The following SRRM4 variants were observed in gnomAD, a reference collection of about 807,000 sequenced individuals.
The protein encoded by SRRM4 is serine/arginine repetitive matrix protein 4.
SRRM4 carries 33 observed loss-of-function variants against 68.9 expected under a neutral mutation model. The observed-to-expected ratio is 0.48, with a 90% CI of 0.36 to 0.64. The LOEUF (loss-of-function observed/expected upper bound fraction) is 0.64, where lower values mean the gene tolerates loss of function less well. Among genes scored for constraint, SRRM4 ranks in the 30% least tolerant of loss-of-function variants. The pLI is 0.00. For synonymous variants in SRRM4, 318 were observed against 318.8 expected (o/e 1.00, Z 0.03); for missense variants, 817 against 827.1 (o/e 0.99, Z 0.15).
intron 1 of SRRM4, among the ~76,000 whole-genome samples, chr12:119,099,125 A>C (rs1954062463): frequency 6.6e-6 from 1 of 150,792 alleles, no homozygotes; most frequent in African/African-American, 2.4e-5. Flanking sequence ...GCTGTTCCTT[A>C]TTATTATTAT....
intron 1 of SRRM4, among the ~76,000 whole-genome samples, chr12:119,091,351 T>G (rs1490492661): frequency 2.6e-5 from 4 of 152,036 alleles, no homozygotes; most frequent in African/African-American, 9.7e-5. Context: ...CTCAGCTTGG[T>G]GGTAGGAAGC....
intron 1 of SRRM4, among the ~76,000 whole-genome samples, chr12:118,982,489 G>T (rs866441864): frequency 1.3e-5 from 2 of 151,992 alleles, no homozygotes; most frequent in Non-Finnish European, 2.9e-5. Flanking sequence ...TTTGACAAAA[G>T]CCCATATGCT....
intron 2 of SRRM4, among the ~76,000 whole-genome samples, chr12:119,110,021 T>C (rs1341934240): frequency 6.6e-6 from 1 of 152,250 alleles, no homozygotes; most frequent in Non-Finnish European, 1.5e-5. Flanking sequence ...ATGTCCTTTC[T>C]GTTTGTTAGT....
At chr12:119,143,853 G>T (rs1242210334) in intron 8 of SRRM4, among the ~76,000 whole-genome samples, 3 of 152,082 alleles carry the variant, frequency 2.0e-5, no homozygotes, top group East Asian at 3.9e-4. Flanking sequence ...TCTTAAGGGG[G>T]TGCCTTCTTG....
intron 1 of SRRM4, among the ~76,000 whole-genome samples, chr12:119,041,619 G>A (rs1953669559): frequency 6.6e-6 from 1 of 152,208 alleles, no homozygotes; most frequent in Non-Finnish European, 1.5e-5. Context: ...GGTGAAGCCT[G>A]TTTCCAGACC....
At position 119,156,855 on chromosome 12, in the gene SRRM4, CA is replaced by C; in HGVS notation, c.*58del. On this transcript the variant is annotated 3_prime_UTR_variant, in exon 13 of 13. Coordinates refer to ENST00000267260, the MANE Select transcript of SRRM4 (RefSeq NM_194286.4). ...CTTCGCGCTGCCAGCCTCCCCCAAC[CA>C]CCTGCCCTCCCCGCCTTCTTGGTGA... 6.8e-7 allele frequency: 1 copy of C among 1,466,668 alleles called. No homozygotes were observed. The highest frequency in any genetic ancestry group is 9.0e-7 in the Non-Finnish European group (1 of 1,113,500). The allele number at this position is 1,466,668 out of a possible 1,614,324, so 90.9% of individuals were successfully genotyped here.
intron 1 of SRRM4, among the ~76,000 whole-genome samples, chr12:119,023,042 C>T (rs1401641863): frequency 1.3e-5 from 2 of 152,200 alleles, no homozygotes; most frequent in Non-Finnish European, 2.9e-5. Context: ...CGTACTTTTA[C>T]CTACACCTGT....
At chr12:119,077,407 A>T (rs1003703461) in intron 1 of SRRM4, among the ~76,000 whole-genome samples, 2 of 148,726 alleles carry the variant, frequency 1.3e-5, no homozygotes, top group African/African-American at 5.0e-5. Flanking sequence ...TCTATCATGT[A>T]CCAGCTGTTG....
At chr12:119,152,029 T>C (rs539110838) in intron 10 of SRRM4, among the ~76,000 whole-genome samples, 1 of 152,310 alleles carries the variant, frequency 6.6e-6, no homozygotes, top group South Asian at 2.1e-4. Flanking sequence ...CCAGTTTCAA[T>C]AGCTATTGGT....
At chr12:119,073,483 C>A (rs34513652) in intron 1 of SRRM4, among the ~76,000 whole-genome samples, 86,803 of 151,738 alleles carry the variant, frequency 0.57, 25,816 homozygotes, top group Middle Eastern at 0.76. Context: ...ACCTGCCATG[C>A]CCAGCTAATT....
intron 4 of SRRM4, among the ~76,000 whole-genome samples, chr12:119,119,017 G>A (rs1414055585): frequency 6.6e-6 from 1 of 151,384 alleles, no homozygotes; most frequent in Non-Finnish European, 1.5e-5. Context: ...GACACTTTTG[G>A]AGATGGGACC....
rs749891251 is a variant in SRRM4 at position 119,156,624 on chromosome 12, TCGGAGC to T, written c.1674_1679del (p.Ser558_Arg559del). On this transcript the variant is annotated inframe_deletion, in exon 13 of 13. Transcript: ENST00000267260. The stretch of plus-strand genomic sequence containing the variant: ...GCCGCAGCTACTCCCGGAGCCGGAG[TCGGAGC>T]CGGAGCCGGAGACGGAGCCGGACCC... The T allele has an allele frequency of 3.9e-4, 619 of 1,603,098 alleles. 5 individuals carry two copies. In the South Asian group the frequency reaches 5.2e-3, roughly 14 times the overall value.
chr12:119,118,739 T>C (rs1448418766), intron 4 of SRRM4, among the ~76,000 whole-genome samples: 1 of 152,194 alleles, frequency 6.6e-6, no homozygotes, highest in Non-Finnish European at 1.5e-5. Flanking sequence ...GGAGAACAAC[T>C]TTCCCATATT....
intron 1 of SRRM4, among the ~76,000 whole-genome samples, chr12:119,099,823 T>C (rs921568301): frequency 6.6e-6 from 1 of 152,116 alleles, no homozygotes; most frequent in African/African-American, 2.4e-5. Context: ...GCTGCTTGAG[T>C]GTCCTCACAA....
intron 1 of SRRM4, among the ~76,000 whole-genome samples, chr12:119,056,324 C>A: frequency 6.6e-6 from 1 of 152,204 alleles, no homozygotes; most frequent in African/African-American, 2.4e-5. Flanking sequence ...GGAGATGTCA[C>A]CTCATCATTT....
intron 1 of SRRM4, among the ~76,000 whole-genome samples, chr12:118,990,969 A>G (rs1199042921): frequency 6.6e-6 from 1 of 152,006 alleles, no homozygotes; most frequent in Non-Finnish European, 1.5e-5. Context: ...CACCCAGCTA[A>G]TTTTTGTATT....
intron 2 of SRRM4, among the ~76,000 whole-genome samples, chr12:119,109,836 C>A (rs1281702377): frequency 6.6e-6 from 1 of 152,252 alleles, no homozygotes; most frequent in Non-Finnish European, 1.5e-5. Flanking sequence ...TTGTCAAAGT[C>A]ATTCTCCGTC....
chr12:119,053,289 A>G (rs1953756301), intron 1 of SRRM4, among the ~76,000 whole-genome samples: 1 of 152,238 alleles, frequency 6.6e-6, no homozygotes, highest in African/African-American at 2.4e-5. Context: ...CAATTGTAAT[A>G]TGAAGTTTCC....
At chr12:119,076,140 A>T (rs968379329) in intron 1 of SRRM4, among the ~76,000 whole-genome samples, 1 of 150,204 alleles carries the variant, frequency 6.7e-6, no homozygotes, top group East Asian at 2.0e-4. Flanking sequence ...GATGATGATG[A>T]CAATGGGAAT....
Sources: allele counts gnomAD v4.1 joint callset (sites outside exome capture counted in the v4.1 genomes callset), GRCh38; gene constraint gnomAD v4.1.1; transcripts MANE v1.5; gene names NCBI Gene and HGNC (gene_info 2026-07-23, HGNC 2026-07-21).